The following DEFB125 variants were observed in gnomAD, a reference collection of about 807,000 sequenced individuals.
The protein encoded by DEFB125 is beta-defensin 125.
Under a neutral mutation model 11.8 loss-of-function variants are expected in DEFB125, and 11 were observed. That is an observed-to-expected ratio of 0.94 (90% confidence interval 0.59 to 1.55). DEFB125 has a LOEUF of 1.55. DEFB125 is among the 40% of genes most tolerant of loss of function. The probability of loss-of-function intolerance (pLI) is 0.00; values close to 1 mark genes in which losing one functional copy is unlikely to be tolerated. For missense variants in DEFB125, 198 were observed against 191.2 expected (o/e 1.04, Z -0.21); for synonymous variants, 79 against 66.7 (o/e 1.18, Z -0.90).
At chr20:92,008 C>T (rs377636664) in intron 1 of DEFB125, among the ~76,000 whole-genome samples, 9 of 152,070 alleles carry the variant, frequency 5.9e-5, no homozygotes, top group Admixed American at 1.3e-4. Flanking sequence ...TGGACTAGAG[C>T]CAACATTTCC....
At chr20:94,715 C>A (rs1254596360) in intron 1 of DEFB125, among the ~76,000 whole-genome samples, 1 of 152,142 alleles carries the variant, frequency 6.6e-6, no homozygotes. Context: ...CTTTTTCCTC[C>A]TATCTAGGTG....
chr20:91,874 A>T (rs1402235466), intron 1 of DEFB125, among the ~76,000 whole-genome samples: 3 of 152,202 alleles, frequency 2.0e-5, no homozygotes, highest in Non-Finnish European at 4.4e-5. Context: ...AAAGAAGTGG[A>T]AGGTCTAGAC....
chr20:97,052 G>C lies in DEFB125; in HGVS notation c.*635G>C, dbSNP rs2054518578. On this transcript the variant is annotated 3_prime_UTR_variant, in exon 2 of 2. Coordinates refer to ENST00000382410, the MANE Select transcript of DEFB125 (RefSeq NM_153325.4). ...TAGAGATAAAAGTGGGACTTGCCTT[G>C]AGAGTACATCATATTAAATTAAAAG... 1 of 152,214 alleles carries C rather than the reference G, an allele frequency of 6.6e-6. No homozygotes were observed. Among genetic ancestry groups the C allele is most frequent in the South Asian group, 2.1e-4 (1 of 4,826 alleles). 9.4% of individuals were successfully genotyped at this position (152,214 alleles called of 1,614,324 possible).
intron 1 of DEFB125, among the ~76,000 whole-genome samples, chr20:89,955 G>A (rs1038482638): frequency 6.6e-6 from 1 of 151,866 alleles, no homozygotes; most frequent in African/African-American, 2.4e-5. Flanking sequence ...AGTCTCTCTG[G>A]GCTTTATATT....
At chr20:92,868 C>T (rs958517181) in intron 1 of DEFB125, among the ~76,000 whole-genome samples, 1 of 151,954 alleles carries the variant, frequency 6.6e-6, no homozygotes, top group African/African-American at 2.4e-5. Flanking sequence ...AATGGAGAAA[C>T]GTGTCTTCTC....
intron 1 of DEFB125, among the ~76,000 whole-genome samples, chr20:93,369 A>G (rs1279650930): frequency 6.6e-6 from 1 of 152,090 alleles, no homozygotes; most frequent in Non-Finnish European, 1.5e-5. Flanking sequence ...GCTCTCTAAC[A>G]AGTTATTTAT....
At chr20:95,275 T>C (rs1214565920) in intron 1 of DEFB125, among the ~76,000 whole-genome samples, 2 of 152,196 alleles carry the variant, frequency 1.3e-5, no homozygotes, top group African/African-American at 4.8e-5. Flanking sequence ...TCTCTTAATA[T>C]TGAAACTCAC....
intron 1 of DEFB125, among the ~76,000 whole-genome samples, chr20:90,755 G>A (rs2054493288): frequency 6.6e-6 from 1 of 152,066 alleles, no homozygotes; most frequent in Non-Finnish European, 1.5e-5. Context: ...AGCCACACAA[G>A]CCCCAGTGCT....
At chr20:93,294 C>A (rs1402386055) in intron 1 of DEFB125, among the ~76,000 whole-genome samples, 1 of 152,104 alleles carries the variant, frequency 6.6e-6, no homozygotes, top group Admixed American at 6.6e-5. Context: ...TCATTGCTTG[C>A]AAGCACCATT....
intron 1 of DEFB125, 55 bp downstream of exon 1, chr20:87,822 G>GCAACAA: frequency 6.3e-7 from 1 of 1,577,768 alleles, no homozygotes; most frequent in Non-Finnish European, 8.7e-7. Context: ...TTGCCCTTGG[G>GCAACAA]CTCCCCTGGT....
chr20:93,414 A>C (rs1354297109), intron 1 of DEFB125, among the ~76,000 whole-genome samples: 1 of 152,196 alleles, frequency 6.6e-6, no homozygotes, highest in East Asian at 1.9e-4. Flanking sequence ...ACTTCTTAAG[A>C]GTTTCATCTA....
At position 92,969 on chromosome 20, in the gene DEFB125, CTTTT is replaced by C. The variant is rs33976266; in HGVS notation, c.59-3021_59-3018del. Among the ~76,000 whole-genome samples, 84 of 116,034 alleles carry C rather than the reference CTTTT, an allele frequency of 7.2e-4. No homozygotes were observed. The East Asian group carries it at 0.012, about 16-fold the overall frequency. The allele number at this position is 116,034 out of a possible 152,430, so 76.1% of individuals were successfully genotyped here. ...TTCTATATTAATCTCTCCTTTTCTG[CTTTT>C]TTTTTTTTTTTTTTGAGATGGAGTC... On this transcript the variant is annotated intron_variant, in intron 1 of 1. Coordinates refer to ENST00000382410, the MANE Select transcript of DEFB125 (RefSeq NM_153325.4).
chr20:94,360 C>G (rs1450472973), intron 1 of DEFB125, among the ~76,000 whole-genome samples: 2 of 152,054 alleles, frequency 1.3e-5, no homozygotes, highest in Admixed American at 1.3e-4. Flanking sequence ...ACAGTGGACC[C>G]CTTTTGGCAC....
rs1235139244 is a variant in DEFB125 at position 96,424 on chromosome 20, T to A, written c.*7T>A. On this transcript the variant is annotated 3_prime_UTR_variant, in exon 2 of 2. Coordinates refer to ENST00000382410, the MANE Select transcript of DEFB125 (RefSeq NM_153325.4). ...AGCTCTTACTCATAATTAATTAACA[T>A]TTACTTCTGGTATGGAACAACTAGA... 2.5e-6 allele frequency: 4 copies of A among 1,602,904 alleles called. No homozygotes were observed. Among genetic ancestry groups the A allele is most frequent in the Middle Eastern group, 1.7e-4 (1 of 6,006 alleles).
chr20:93,667 A>G (rs919268808), intron 1 of DEFB125, among the ~76,000 whole-genome samples: 1 of 152,194 alleles, frequency 6.6e-6, no homozygotes, highest in Non-Finnish European at 1.5e-5. Context: ...CATCTGATAC[A>G]ACTTTCCCCA....
rs1028812004 is a variant in DEFB125 at position 96,941 on chromosome 20, G to A, written c.*524G>A. On this transcript the variant is annotated 3_prime_UTR_variant, in exon 2 of 2. Coordinates refer to ENST00000382410, the MANE Select transcript of DEFB125 (RefSeq NM_153325.4). Reference sequence around the variant, plus strand: ...CCTAAATACTTTTCTGTGTCATGACGTCAAATTTTGTTTAAGGTTCTAGCT... The same window carrying A: ...CCTAAATACTTTTCTGTGTCATGACATCAAATTTTGTTTAAGGTTCTAGCT... The A allele has an allele frequency of 2.6e-5, 4 of 153,456 alleles. No individual in the cohort carries two copies. The highest frequency in any genetic ancestry group is 1.9e-4 in the East Asian group (1 of 5,230). The allele number at this position is 153,456 out of a possible 1,614,324, so 9.5% of individuals were successfully genotyped here.
chr20:96,396 G>A lies in DEFB125; in HGVS notation c.450G>A (p.Gln150=). ...CCGAGACTATGCCACCACCTTCTCAGACAGCTCTTACTCATAATTAATTAA... is the reference window on the plus strand; with the variant it reads ...CCGAGACTATGCCACCACCTTCTCAAACAGCTCTTACTCATAATTAATTAA... ...ATSETMPPPS[Q]TALTHN is the part of the protein sequence containing the mutation. Residue 150 remains glutamine (Q), a synonymous_variant, in exon 2 of 2, where the codon CAG becomes CAA. Transcript: ENST00000382410. 8 of 1,613,024 alleles carry A rather than the reference G, an allele frequency of 5.0e-6. No homozygotes were observed. Among genetic ancestry groups the A allele is most frequent in the Non-Finnish European group, 6.8e-6 (8 of 1,179,538 alleles).
intron 1 of DEFB125, among the ~76,000 whole-genome samples, chr20:89,213 T>C (rs960644442): frequency 1.3e-5 from 2 of 152,204 alleles, no homozygotes; most frequent in Non-Finnish European, 2.9e-5. Flanking sequence ...TTCATGTCTA[T>C]TAAATGGTTA....
rs1312797395 is a variant in DEFB125, at chr20:96,482, T to C, written c.*65T>C. 7.2e-6 allele frequency: 11 copies of C among 1,518,134 alleles called. No homozygotes were observed. Among genetic ancestry groups the C allele is most frequent in the Non-Finnish European group, 9.7e-6 (11 of 1,136,840 alleles). 94.0% of individuals were successfully genotyped at this position (1,518,134 alleles called of 1,614,324 possible). On this transcript the variant is annotated 3_prime_UTR_variant, in exon 2 of 2. Transcript: ENST00000382410. The stretch of plus-strand genomic sequence containing the variant: ...CTGGAAATAATATCCAAAGAGCTGA[T>C]TCTACCAATCCAATTTCACCAGGAA...
Sources: allele counts gnomAD v4.1 joint callset (sites outside exome capture counted in the v4.1 genomes callset), GRCh38; gene constraint gnomAD v4.1.1; transcripts MANE v1.5; gene names NCBI Gene and HGNC (gene_info 2026-07-23, HGNC 2026-07-21).